Variants in CSMD1 observed in about 807,000 individuals in gnomAD.
CSMD1 encodes the protein CUB and sushi domain-containing protein 1.
A neutral mutation model predicts 417.5 loss-of-function variants in CSMD1; 213 were observed. The ratio of observed to expected loss-of-function variants is 0.51; its 90% CI spans 0.46 to 0.57. The LOEUF (loss-of-function observed/expected upper bound fraction) is 0.57. CSMD1 is among the 20% of genes least tolerant of loss of function. The pLI, the probability that CSMD1 is intolerant of heterozygous loss-of-function variation, is 0.00. For synonymous variants in CSMD1, 2,862 were observed against 1,736.8 expected (o/e 1.65, Z -16.11); for missense variants, 6,923 against 4,529.7 (o/e 1.53, Z -15.17).
chr8:4,800,086 G>A (rs1798194349), intron 1 of CSMD1, among the ~76,000 whole-genome samples: 1 of 152,088 alleles, frequency 6.6e-6, no homozygotes, highest in Admixed American at 6.5e-5. Flanking sequence ...TGAATATCCT[G>A]TGTATTTTTT....
At chr8:3,994,211 C>T (rs990098556) in intron 5 of CSMD1, among the ~76,000 whole-genome samples, 1 of 151,958 alleles carries the variant, frequency 6.6e-6, no homozygotes, top group Admixed American at 6.6e-5. Flanking sequence ...ATCCTCTACA[C>T]ATTCCCTGTC....
At chr8:4,036,443 A>G (rs1015807018) in intron 3 of CSMD1, among the ~76,000 whole-genome samples, 3 of 152,230 alleles carry the variant, frequency 2.0e-5, no homozygotes, top group African/African-American at 7.2e-5. Flanking sequence ...TCATTAATGA[A>G]TATGAGTCTC....
chr8:3,201,294 G>C (rs1459653206), intron 32 of CSMD1, among the ~76,000 whole-genome samples: 1 of 152,128 alleles, frequency 6.6e-6, no homozygotes, highest in Admixed American at 6.6e-5. Context: ...GGAAGGTTAA[G>C]ACACATGGGA....
intron 52 of CSMD1, among the ~76,000 whole-genome samples, chr8:3,011,253 G>A (rs1808361380): frequency 6.6e-6 from 1 of 152,140 alleles, no homozygotes; most frequent in Non-Finnish European, 1.5e-5. Flanking sequence ...TGGAAAATCT[G>A]AGAACTGGTA....
In CSMD1 at chr8:3,835,682, G is replaced by A. The variant is rs143992572; in HGVS notation, c.819-81640C>T. On this transcript the variant is annotated intron_variant, in intron 5 of 69. Coordinates refer to ENST00000635120, the MANE Select transcript of CSMD1 (RefSeq NM_033225.6). Reference sequence around the variant, plus strand: ...CATATGTAACAAACCTGCACATTGTGCACATGTACCCTGAAACTTAAAGTA... The same window carrying A: ...CATATGTAACAAACCTGCACATTGTACACATGTACCCTGAAACTTAAAGTA... 7.6e-4 allele frequency among the ~76,000 whole-genome samples: 114 copies of A among 149,654 alleles called. 1 individual carries two copies. The highest frequency in any genetic ancestry group is 3.4e-3 in the Middle Eastern group (1 of 294).
intron 10 of CSMD1, among the ~76,000 whole-genome samples, chr8:3,526,574 C>T (rs770762498): frequency 1.2e-4 from 18 of 152,128 alleles, no homozygotes; most frequent in Non-Finnish European, 2.1e-4. Context: ...GCATCATTGC[C>T]TGTGTTTATT....
chr8:2,985,696 G>A (rs1299857123), intron 54 of CSMD1, among the ~76,000 whole-genome samples: 1 of 152,186 alleles, frequency 6.6e-6, no homozygotes, highest in Non-Finnish European at 1.5e-5. Flanking sequence ...AGTCATAGGA[G>A]AGGGTGACTC....
chr8:2,993,032 T>G (rs536249634), intron 54 of CSMD1, among the ~76,000 whole-genome samples: 5 of 152,340 alleles, frequency 3.3e-5, no homozygotes, highest in African/African-American at 1.2e-4. Flanking sequence ...TATGCCTGGA[T>G]GAATTTTATC....
At chr8:4,034,083 G>T (rs573315105) in intron 3 of CSMD1, among the ~76,000 whole-genome samples, 4 of 152,082 alleles carry the variant, frequency 2.6e-5, no homozygotes, top group African/African-American at 9.7e-5. Flanking sequence ...ATCGGCATGG[G>T]GGTGTATTTT....
At chr8:4,207,262 C>T (rs114244562) in intron 3 of CSMD1, among the ~76,000 whole-genome samples, 2 of 152,056 alleles carry the variant, frequency 1.3e-5, no homozygotes, top group Non-Finnish European at 2.9e-5. Flanking sequence ...TTTCAAGTGA[C>T]AGAATGAAAC....
At chr8:4,430,721 TG>T (rs1797826540) in intron 2 of CSMD1, among the ~76,000 whole-genome samples, 1 of 152,124 alleles carries the variant, frequency 6.6e-6, no homozygotes, top group South Asian at 2.1e-4. Flanking sequence ...AAAGAGATTT[TG>T]CCCCCAAGCA....
chr8:3,684,217 TATAAC>T (rs1455971419), intron 7 of CSMD1, among the ~76,000 whole-genome samples: 1 of 143,252 alleles, frequency 7.0e-6, no homozygotes, highest in African/African-American at 2.5e-5. Flanking sequence ...ATATATAATA[TATAAC>T]ATAATATATA....
intron 5 of CSMD1, among the ~76,000 whole-genome samples, chr8:3,922,476 T>C (rs1388946743): frequency 6.6e-6 from 1 of 152,244 alleles, no homozygotes; most frequent in Admixed American, 6.5e-5. Flanking sequence ...TCACATTTTC[T>C]TTCATAATTT....
intron 25 of CSMD1, among the ~76,000 whole-genome samples, chr8:3,307,068 A>ACACAAGTCTTTTTAAAATATGACTTTG (rs1804918895): frequency 6.6e-6 from 1 of 152,146 alleles, no homozygotes; most frequent in Non-Finnish European, 1.5e-5. Flanking sequence ...CCATCCCTGC[A>ACACAAGTCTTTTTAAAATATGACTTTG]CACAAGTCTT....
intron 26 of CSMD1, among the ~76,000 whole-genome samples, chr8:3,273,084 T>C (rs1259120207): frequency 6.6e-6 from 1 of 152,130 alleles, no homozygotes; most frequent in Non-Finnish European, 1.5e-5. Context: ...TAGATAGCTC[T>C]TATTATTTTG....
intron 26 of CSMD1, among the ~76,000 whole-genome samples, chr8:3,257,181 GT>G (rs1563193906): frequency 6.6e-6 from 1 of 152,090 alleles, no homozygotes; most frequent in African/African-American, 2.4e-5. Flanking sequence ...AATTTGCTGG[GT>G]TTGGTGGTGC....
intron 4 of CSMD1, among the ~76,000 whole-genome samples, chr8:4,030,236 G>C (rs994988610): frequency 3.9e-5 from 6 of 152,142 alleles, no homozygotes; most frequent in African/African-American, 1.2e-4. Flanking sequence ...CTGTGGGGGA[G>C]CTCTGACCCC....
intron 3 of CSMD1, among the ~76,000 whole-genome samples, chr8:4,240,031 T>C (rs1802296825): frequency 6.6e-6 from 1 of 152,230 alleles, no homozygotes; most frequent in Non-Finnish European, 1.5e-5. Context: ...GTCCCACATA[T>C]TTCTTGACAA....
At position 3,708,593 on chromosome 8, in the gene CSMD1, C is replaced by T. The variant is rs1268447875; in HGVS notation, c.932-102G>A. 1.4e-5 allele frequency: 12 copies of T among 884,698 alleles called. No individual in the cohort carries two copies. In the Middle Eastern group the frequency reaches 8.8e-4, roughly 65 times the overall value. 54.8% of individuals were successfully genotyped at this position (884,698 alleles called of 1,614,324 possible). ...CCAGTCATAACTGCTTTCTATCAACCCCCGAAAATGGGAAATGTTCTAAGA... is the reference window on the plus strand; with the variant it reads ...CCAGTCATAACTGCTTTCTATCAACTCCCGAAAATGGGAAATGTTCTAAGA... On this transcript the variant is annotated intron_variant, in intron 6 of 69. Coordinates refer to ENST00000635120, the MANE Select transcript of CSMD1 (RefSeq NM_033225.6).
Sources: allele counts gnomAD v4.1 joint callset (sites outside exome capture counted in the v4.1 genomes callset), GRCh38; gene constraint gnomAD v4.1.1; transcripts MANE v1.5; gene names NCBI Gene and HGNC (gene_info 2026-07-23, HGNC 2026-07-21).